The following PDE5A variants were observed in gnomAD, a reference collection of about 807,000 sequenced individuals.
The protein encoded by PDE5A is cGMP-specific 3',5'-cyclic phosphodiesterase.
Under a neutral mutation model 110.2 loss-of-function variants are expected in PDE5A, and 67 were observed. The observed-to-expected ratio is 0.61, with a 90% confidence interval of 0.50 to 0.75. The LOEUF is 0.75. Among genes scored for constraint, PDE5A ranks in the 30% least tolerant of loss-of-function variants. PDE5A has a pLI of 0.00. For synonymous variants in PDE5A, 328 were observed against 351.2 expected (o/e 0.93, Z 0.74); for missense variants, 862 against 1,045.1 (o/e 0.82, Z 2.42).
intron 3 of PDE5A, among the ~76,000 whole-genome samples, chr4:119,594,132 GT>G (rs75416431): frequency 6.6e-6 from 1 of 151,876 alleles, no homozygotes. Context: ...ATATAGCTGT[GT>G]TTTTTTAATT....
At chr4:119,618,457 G>A (rs967610099) in intron 1 of PDE5A, among the ~76,000 whole-genome samples, 1 of 151,856 alleles carries the variant, frequency 6.6e-6, no homozygotes, top group Non-Finnish European at 1.5e-5. Context: ...CTGTTTTCAT[G>A]TATTTTTTCA....
intron 9 of PDE5A, among the ~76,000 whole-genome samples, chr4:119,544,519 T>C (rs1015867303): frequency 6.6e-6 from 1 of 152,188 alleles, no homozygotes; most frequent in African/African-American, 2.4e-5. Flanking sequence ...AATATAAATA[T>C]GGAACTGTTT....
chr4:119,606,652 G>A (rs892955814), intron 2 of PDE5A, 57 bp downstream of exon 2: 37 of 1,249,858 alleles, frequency 3.0e-5, no homozygotes, highest in Non-Finnish European at 4.2e-5. Flanking sequence ...CATAGTACCC[G>A]CCCCAGCCAT....
At chr4:119,551,097 A>G (rs1164380579) in intron 9 of PDE5A, among the ~76,000 whole-genome samples, 1 of 152,178 alleles carries the variant, frequency 6.6e-6, no homozygotes, top group African/African-American at 2.4e-5. Flanking sequence ...CTGACCCTCA[A>G]CCTTTTAGCT....
intron 3 of PDE5A, among the ~76,000 whole-genome samples, chr4:119,582,653 TA>T (rs1327705636): frequency 6.6e-6 from 1 of 152,164 alleles, no homozygotes; most frequent in Non-Finnish European, 1.5e-5. Context: ...TCTTAAACAA[TA>T]AGACTTGAAA....
intron 16 of PDE5A, among the ~76,000 whole-genome samples, 163 bp from the exon 17 acceptor site, chr4:119,506,095 C>T (rs1028875036): frequency 6.6e-6 from 1 of 151,618 alleles, no homozygotes; most frequent in African/African-American, 2.4e-5. Context: ...TCTTTAATAC[C>T]TCACTTTCCC....
chr4:119,592,171 A>AAAAAAAAC (rs1728993234), intron 3 of PDE5A, among the ~76,000 whole-genome samples: 1 of 124,858 alleles, frequency 8.0e-6, no homozygotes, highest in Non-Finnish European at 1.7e-5. Flanking sequence ...AAAAAAAAAA[A>AAAAAAAAC]AAAGCCGGGC....
chr4:119,552,655 G>A lies in PDE5A; in HGVS notation c.1309-18C>T. The A allele has an allele frequency of 7.6e-7, 1 of 1,316,052 alleles. No homozygotes were observed. The highest frequency in any genetic ancestry group is 1.0e-6 in the Non-Finnish European group (1 of 953,374). The allele number at this position is 1,316,052 out of a possible 1,614,324, so 81.5% of individuals were successfully genotyped here. A position where few individuals can be genotyped will look rare whatever the true frequency, so the allele number is the denominator to read the frequency against. On this transcript the variant is annotated intron_variant, in intron 8 of 20. Coordinates refer to ENST00000354960, the MANE Select transcript of PDE5A (RefSeq NM_001083.4). ...TTTTCAGTCTAAACAAAAATAAAAAGAACAAAACAGCTAAAATGGTAAAGA... is the reference window on the plus strand; with the variant it reads ...TTTTCAGTCTAAACAAAAATAAAAAAAACAAAACAGCTAAAATGGTAAAGA...
chr4:119,558,663 TA>T (rs1190949645), intron 7 of PDE5A, among the ~76,000 whole-genome samples: 2 of 152,030 alleles, frequency 1.3e-5, no homozygotes, highest in East Asian at 1.9e-4. Flanking sequence ...TTTATTAAAA[TA>T]AAAAAAATCT....
chr4:119,576,935 T>C (rs1276107998), intron 3 of PDE5A, among the ~76,000 whole-genome samples: 69 of 146,084 alleles, frequency 4.7e-4, no homozygotes, highest in Middle Eastern at 3.5e-3. Context: ...ATTGATAGAC[T>C]GCTAGCAAGA....
chr4:119,569,523 T>C (rs1399035976), intron 3 of PDE5A, among the ~76,000 whole-genome samples: 1 of 151,502 alleles, frequency 6.6e-6, no homozygotes, highest in East Asian at 1.9e-4. Flanking sequence ...AAAAACAAGT[T>C]CTGTCAAGAG....
At chr4:119,511,551 C>G (rs1725744920) in intron 14 of PDE5A, among the ~76,000 whole-genome samples, 2 of 152,008 alleles carry the variant, frequency 1.3e-5, no homozygotes, top group Non-Finnish European at 2.9e-5. Context: ...AAATAATGCT[C>G]AGGCTGAAGG....
chr4:119,626,605 G>C lies in PDE5A; in HGVS notation c.152+1915C>G, dbSNP rs950794681. On this transcript the variant is annotated intron_variant, in intron 1 of 20. Coordinates refer to ENST00000354960, the MANE Select transcript of PDE5A (RefSeq NM_001083.4). ...GCAGAAGGCTGGGAATGCGCAGAGT[G>C]AAAGGAAAGTGGGTGCAGATGGCCT... Among the ~76,000 whole-genome samples, 7 of 152,062 alleles carry C rather than the reference G, an allele frequency of 4.6e-5. No homozygotes were observed. The East Asian group carries it at 1.3e-3, about 29-fold the overall frequency.
At chr4:119,510,815 G>A (rs1352576353) in intron 15 of PDE5A, among the ~76,000 whole-genome samples, 2 of 152,092 alleles carry the variant, frequency 1.3e-5, no homozygotes, top group Admixed American at 6.6e-5. Flanking sequence ...GAATAGCCAC[G>A]TAGAGTAGAA....
intron 3 of PDE5A, among the ~76,000 whole-genome samples, chr4:119,588,903 C>T (rs1173595435): frequency 6.6e-6 from 1 of 152,126 alleles, no homozygotes; most frequent in Non-Finnish European, 1.5e-5. Context: ...TTGATTTTAA[C>T]TGCCATATTT....
chr4:119,552,221 A>G (rs1243972626), intron 9 of PDE5A, among the ~76,000 whole-genome samples: 1 of 152,172 alleles, frequency 6.6e-6, no homozygotes, highest in Non-Finnish European at 1.5e-5. Context: ...CATTCTTAAA[A>G]AAAGTCAACA....
At chr4:119,523,493 A>G (rs139466014) in intron 12 of PDE5A, among the ~76,000 whole-genome samples, 1 of 152,070 alleles carries the variant, frequency 6.6e-6, no homozygotes. Context: ...GAAACAAAAC[A>G]GAAGAGGCAC....
intron 3 of PDE5A, among the ~76,000 whole-genome samples, chr4:119,590,673 T>C (rs1728933885): frequency 6.6e-6 from 1 of 152,232 alleles, no homozygotes; most frequent in Non-Finnish European, 1.5e-5. Flanking sequence ...GGTTATAACA[T>C]TAATGAAAAG....
At chr4:119,538,774 C>T (rs1022436590) in intron 11 of PDE5A, 186 bp downstream of exon 11, 2 of 549,776 alleles carry the variant, frequency 3.6e-6, no homozygotes, top group African/African-American at 1.9e-5. Flanking sequence ...CAGAATCATA[C>T]ACTATATTAC....
Sources: gnomAD v4.1 joint callset for allele counts (sites outside exome capture counted in the v4.1 genomes callset) on GRCh38, gnomAD v4.1.1 for gene constraint, MANE v1.5 for transcripts, NCBI Gene and HGNC (gene_info 2026-07-23, HGNC 2026-07-21) for gene names.